The following BCLAF1 variants were observed in gnomAD, a reference collection of about 807,000 sequenced individuals.
The protein encoded by BCLAF1 is BCL2 associated transcription factor 1.
BCLAF1 carries 10 observed loss-of-function variants against 99.5 expected under a neutral mutation model. The observed-to-expected ratio is 0.10, with a 90% CI of 0.06 to 0.17. The LOEUF (loss-of-function observed/expected upper bound fraction) is 0.17. Ranked by LOEUF, BCLAF1 falls within the 10% of genes least tolerant of loss-of-function variation. The pLI is 1.00. For missense variants in BCLAF1, 636 were observed against 1,105.8 expected (o/e 0.58, Z 6.02); for synonymous variants, 255 against 370.9 (o/e 0.69, Z 3.59).
chr6:136,272,484 A>G (rs1782673066), intron 7 of BCLAF1, among the ~76,000 whole-genome samples: 1 of 151,950 alleles, frequency 6.6e-6, no homozygotes, highest in African/African-American at 2.4e-5. Context: ...TTTCTAAGTC[A>G]GTATTGGCTG....
At chr6:136,287,179 C>G (rs1184410725) in intron 1 of BCLAF1, among the ~76,000 whole-genome samples, 8 of 148,398 alleles carry the variant, frequency 5.4e-5, no homozygotes, top group Admixed American at 5.4e-4. Flanking sequence ...GGTGGCGGGC[C>G]GGCGCCTGTA....
At chr6:136,283,311 G>A (rs1253134786) in intron 1 of BCLAF1, among the ~76,000 whole-genome samples, 1 of 148,762 alleles carries the variant, frequency 6.7e-6, no homozygotes, top group African/African-American at 2.5e-5. Context: ...ACACAATTTA[G>A]TTTCATGTGA....
intron 1 of BCLAF1, among the ~76,000 whole-genome samples, chr6:136,287,711 T>C (rs1785338321): frequency 6.6e-6 from 1 of 152,194 alleles, no homozygotes; most frequent in Non-Finnish European, 1.5e-5. Flanking sequence ...CTCGTACAGC[T>C]TGCTGCCCAC....
chr6:136,279,688 A>T, intron 3 of BCLAF1, 75 bp downstream of exon 3: 1 of 1,310,390 alleles, frequency 7.6e-7, no homozygotes, highest in African/African-American at 1.5e-5. Context: ...GGGGTTTAGC[A>T]CTGTGTTTAC....
At chr6:136,284,090 T>C (rs1303195520) in intron 1 of BCLAF1, among the ~76,000 whole-genome samples, 3 of 143,472 alleles carry the variant, frequency 2.1e-5, no homozygotes, top group Non-Finnish European at 4.5e-5. Flanking sequence ...TCCAAAAGGC[T>C]AATTTATATA....
chr6:136,277,287 C>G (rs1415841662), intron 4 of BCLAF1, among the ~76,000 whole-genome samples: 1 of 152,178 alleles, frequency 6.6e-6, no homozygotes, highest in Non-Finnish European at 1.5e-5. Flanking sequence ...GACAGCCAGA[C>G]TGTTTATGCC....
chr6:136,278,994 A>AACAC (rs71006795), intron 3 of BCLAF1, among the ~76,000 whole-genome samples: 80,723 of 145,296 alleles, frequency 0.56, 24,197 homozygotes, highest in Non-Finnish European at 0.67. Flanking sequence ...GAAGGCACAA[A>AACAC]ACACACACAC....
chr6:136,283,178 C>CAAA (rs1173234336), intron 1 of BCLAF1, among the ~76,000 whole-genome samples: 13 of 52,030 alleles, frequency 2.5e-4, no homozygotes, highest in Admixed American at 8.0e-4. Flanking sequence ...GACCCCATCT[C>CAAA]AAAAAAAAAA....
chr6:136,267,741 AT>A (rs1435016163), intron 10 of BCLAF1, among the ~76,000 whole-genome samples: 3 of 152,004 alleles, frequency 2.0e-5, no homozygotes, highest in African/African-American at 7.2e-5. Flanking sequence ...GATTTCTATG[AT>A]TGATACCCAT....
intron 2 of BCLAF1, among the ~76,000 whole-genome samples, chr6:136,280,098 AT>A (rs1194225804): frequency 1.3e-5 from 2 of 152,182 alleles, no homozygotes; most frequent in African/African-American, 4.8e-5. Context: ...ACAACTGAAG[AT>A]TTTTACGGAC....
rs1435867781 is a variant in BCLAF1 at position 136,276,071 on chromosome 6, G to A, written c.1454C>T (p.Ser485Phe). The stretch of plus-strand genomic sequence containing the variant: ...TTCTTTCTTTACTGTTATTCTTTCA[G>A]AATTTTTGTCTTCTTCTTTGTGCTT... ...KDKHKEEDKN[S>F]ERITVKKETQ... The change falls in exon 5 of 13, where the codon TCT (serine) becomes TTT (phenylalanine). Residue 485 changes from serine (S) to phenylalanine (F), a missense_variant. By Grantham distance (155) the Ser-to-Phe change is radical. Coordinates refer to ENST00000531224, the MANE Select transcript of BCLAF1 (RefSeq NM_014739.3). 1.9e-6 allele frequency: 3 copies of A among 1,607,792 alleles called. No individual in the cohort carries two copies. Among genetic ancestry groups the A allele is most frequent in the Middle Eastern group, 1.7e-4 (1 of 6,010 alleles).
chr6:136,283,850 G>A (rs1181392264), intron 1 of BCLAF1, among the ~76,000 whole-genome samples: 1 of 152,058 alleles, frequency 6.6e-6, no homozygotes, highest in Non-Finnish European at 1.5e-5. Flanking sequence ...CACTAAAAAA[G>A]TAGCAAAGTC....
Position 136,268,176 on chromosome 6 carries a change from G to A in BCLAF1, c.2383C>T (p.Pro795Ser), listed in dbSNP as rs78781282. ...TTTTCACTTACAAAGGTTCCTCGTG[G>A]TCGGCTAACTCCTGCAAAGCCTGAG... is the stretch of plus-strand genomic sequence containing the variant. ...EYSGFAGVSR[P>S]RGTFFRIRGR... The change falls in exon 10 of 13, where the codon CCA (proline) becomes TCA (serine). Residue 795 changes from proline to serine, a missense_variant. By Grantham distance (74) the Pro-to-Ser change is moderately conservative. This residue lies in a region of BCLAF1 where 180 missense variants were observed against 270.0 expected (regional missense o/e 0.67). Coordinates refer to ENST00000531224, the MANE Select transcript of BCLAF1 (RefSeq NM_014739.3). The A allele has an allele frequency of 2.6e-6, 4 of 1,532,650 alleles. No individual in the cohort carries two copies. In the African/African-American group the frequency reaches 5.6e-5, roughly 21 times the overall value. The allele number at this position is 1,532,650 out of a possible 1,614,324, so 94.9% of individuals were successfully genotyped here.
In BCLAF1 at chr6:136,269,464, T is replaced by C; in HGVS notation, c.2192A>G (p.Lys731Arg). 1.9e-6 allele frequency: 3 copies of C among 1,610,412 alleles called. No individual in the cohort carries two copies. Among genetic ancestry groups the C allele is most frequent in the Non-Finnish European group, 2.5e-6 (3 of 1,178,300 alleles). The part of the protein sequence containing the change: ...RKQEKTPKDY[K>R]EYKSYKDDSK... ...GTCATCTTTGTAAGATTTGTATTCC[T>C]TGTAATCTTTTGGAGTTTTTTCCTG... Residue 731 changes from lysine to arginine, a missense_variant, in exon 9 of 13, where the codon AAG becomes AGG. By Grantham distance (26) the Lys-to-Arg change is conservative. Around this residue, in one of 9 missense-constraint regions of BCLAF1, gnomAD observed 180 missense variants for 270.0 expected, o/e 0.67. Transcript: ENST00000531224.
intron 6 of BCLAF1, 82 bp from the exon 7 acceptor site, chr6:136,273,269 G>A (rs1159093093): frequency 2.6e-6 from 3 of 1,170,958 alleles, no homozygotes; most frequent in East Asian, 2.4e-5. Context: ...GCATGTAGCA[G>A]GTGAAAAGAA....
intron 1 of BCLAF1, among the ~76,000 whole-genome samples, chr6:136,287,718 C>A (rs1785339162): frequency 6.6e-6 from 1 of 152,120 alleles, no homozygotes; most frequent in African/African-American, 2.4e-5. Context: ...AGCTTGCTGC[C>A]CACAAAAGTT....
chr6:136,272,645 C>T (rs1044803312), intron 7 of BCLAF1, among the ~76,000 whole-genome samples: 1 of 151,876 alleles, frequency 6.6e-6, no homozygotes, highest in African/African-American at 2.4e-5. Context: ...AAAAAACTTA[C>T]GTCCAGAGAT....
intron 6 of BCLAF1, among the ~76,000 whole-genome samples, chr6:136,274,652 G>A (rs926439300): frequency 3.3e-5 from 5 of 151,972 alleles, no homozygotes; most frequent in African/African-American, 1.2e-4. Context: ...TTTTTTAAAA[G>A]CGGGGAGGGG....
chr6:136,284,944 G>A, intron 1 of BCLAF1, among the ~76,000 whole-genome samples: 1 of 152,106 alleles, frequency 6.6e-6, no homozygotes, highest in East Asian at 1.9e-4. Flanking sequence ...TAAAGACAGG[G>A]AACACTGCAA....
Sources: allele counts gnomAD v4.1 joint callset (sites outside exome capture counted in the v4.1 genomes callset), GRCh38; gene constraint gnomAD v4.1.1; regional missense constraint gnomAD v4.1.1; transcripts MANE v1.5; gene names NCBI Gene and HGNC (gene_info 2026-07-23, HGNC 2026-07-21).